The following CELF5 variants were observed in gnomAD, a reference collection of about 807,000 sequenced individuals.
The protein encoded by CELF5 is CUGBP Elav-like family member 5.
Under a neutral mutation model 54.9 loss-of-function variants are expected in CELF5, and 6 were observed. That is an observed-to-expected ratio of 0.11 (90% CI 0.06 to 0.22). CELF5 has a LOEUF of 0.22. CELF5 is among the 10% of genes least tolerant of loss of function. CELF5 has a pLI of 1.00. For synonymous variants in CELF5, 271 were observed against 290.9 expected (o/e 0.93, Z 0.70); for missense variants, 401 against 678.6 (o/e 0.59, Z 4.54).
chr19:3,226,182 G>A (rs1055560336), intron 1 of CELF5, among the ~76,000 whole-genome samples: 7 of 152,164 alleles, frequency 4.6e-5, no homozygotes, highest in Admixed American at 2.6e-4. Context: ...GGGAAGGACC[G>A]GGGCCCATGA....
At chr19:3,230,006 G>T (rs923522806) in intron 1 of CELF5, among the ~76,000 whole-genome samples, 1 of 152,176 alleles carries the variant, frequency 6.6e-6, no homozygotes, top group South Asian at 2.1e-4. Context: ...AAGTGGGCTT[G>T]TGTCTCTCTC....
intron 1 of CELF5, among the ~76,000 whole-genome samples, chr19:3,243,534 G>A (rs1374050927): frequency 2.0e-5 from 3 of 152,054 alleles, no homozygotes. Flanking sequence ...CTTCTGCCTC[G>A]GCCTCTGAAG....
Position 3,228,695 on chromosome 19 carries a change from G to A in CELF5, c.259+3697G>A, listed in dbSNP as rs557462219. ...CCAGCTGCCGGCTCGACTCGGGAGG[G>A]GGGGAGGAGGAGGCTGTAGCAGGCT... On this transcript the variant is annotated intron_variant, in intron 1 of 12. Coordinates refer to ENST00000292672, the MANE Select transcript of CELF5 (RefSeq NM_021938.4). This position sits in a 1 kb window ranked among gnomAD's most constrained non-coding sequence, Gnocchi z 6.0. Among the ~76,000 whole-genome samples, 6 of 151,974 alleles carry A rather than the reference G, an allele frequency of 3.9e-5. No individual in the cohort carries two copies. The highest frequency in any genetic ancestry group is 1.3e-4 in the Admixed American group (2 of 15,272).
chr19:3,243,329 G>A (rs1173011948), intron 1 of CELF5, among the ~76,000 whole-genome samples: 1 of 152,078 alleles, frequency 6.6e-6, no homozygotes, highest in African/African-American at 2.4e-5. Context: ...GAGCCAGGCT[G>A]GAACACAGTG....
chr19:3,257,293 A>G (rs1431579432), intron 2 of CELF5, among the ~76,000 whole-genome samples: 1 of 152,090 alleles, frequency 6.6e-6, no homozygotes, highest in African/African-American at 2.4e-5. Context: ...AGAGGAGTGA[A>G]GAAGAGTGAG....
rs2079640821 is a variant in CELF5, at chr19:3,251,087, T to G, written c.342+20T>G. The G allele has an allele frequency of 6.3e-7, 1 of 1,593,460 alleles. No individual in the cohort carries two copies. The highest frequency in any genetic ancestry group is 8.6e-7 in the Non-Finnish European group (1 of 1,162,330). On this transcript the variant is annotated intron_variant, in intron 2 of 12. Transcript: ENST00000292672. ...CCCGGAGTGAGTCCTGTGTGGTGTC[T>G]GGGGAGGAGGGGACAGGGGATGGCT...
intron 2 of CELF5, among the ~76,000 whole-genome samples, chr19:3,252,810 T>G (rs2145069428): frequency 6.6e-6 from 1 of 152,142 alleles, no homozygotes; most frequent in Non-Finnish European, 1.5e-5. Context: ...GCTCCATCCT[T>G]GCTGTGTGAC....
rs150150279 is a variant in CELF5, at chr19:3,267,355, C to T, written c.343-6517C>T. 3.4e-3 allele frequency among the ~76,000 whole-genome samples: 520 copies of T among 152,316 alleles called. 4 individuals carry two copies. The highest frequency in any genetic ancestry group is 0.012 in the African/African-American group (505 of 41,558). On this transcript the variant is annotated intron_variant, in intron 2 of 12. Coordinates refer to ENST00000292672, the MANE Select transcript of CELF5 (RefSeq NM_021938.4). ...TGGGGGACGTAGTTTAATCAACTCTCAGCATTCTGGAATAGGATCCGAAAT... is the reference window on the plus strand; with the variant it reads ...TGGGGGACGTAGTTTAATCAACTCTTAGCATTCTGGAATAGGATCCGAAAT...
In CELF5 at chr19:3,228,937, G is replaced by A. The variant is rs1209514011; in HGVS notation, c.259+3939G>A. ...GTGTACGCGGGCGCGCGCCTGGGAA[G>A]GACTCCTGCCGGGGTGCTGTGTGGC... is the stretch of plus-strand genomic sequence containing the variant. On this transcript the variant is annotated intron_variant, in intron 1 of 12. Transcript: ENST00000292672. The surrounding 1 kb of genome is among the most constrained non-coding windows in gnomAD (Gnocchi z 6.0). Among the ~76,000 whole-genome samples, 1 of 151,210 alleles carries A rather than the reference G, an allele frequency of 6.6e-6. No homozygotes were observed. Among genetic ancestry groups the A allele is most frequent in the Non-Finnish European group, 1.5e-5 (1 of 67,786 alleles).
chr19:3,275,993 C>A lies in CELF5; in HGVS notation c.523+9C>A. 8 of 991,594 alleles carry A rather than the reference C, an allele frequency of 8.1e-6. No homozygotes were observed. The highest frequency in any genetic ancestry group is 2.4e-5 in the South Asian group (1 of 41,438). The allele number at this position is 991,594 out of a possible 1,614,324, so 61.4% of individuals were successfully genotyped here. On this transcript the variant is annotated intron_variant, in intron 4 of 12. Coordinates refer to ENST00000292672, the MANE Select transcript of CELF5 (RefSeq NM_021938.4). This position sits in a 1 kb window ranked among gnomAD's most constrained non-coding sequence, Gnocchi z 6.7. ...TGACGGCAGCAGCAAAGGTGACTGG[C>A]GGGGGCCGGGGCGGGACTGCGAGAG...
intron 1 of CELF5, among the ~76,000 whole-genome samples, chr19:3,237,051 G>A (rs867090748): frequency 2.0e-5 from 3 of 148,798 alleles, no homozygotes; most frequent in South Asian, 2.1e-4. Context: ...GGTGGCTCAC[G>A]CCTGTAATCC....
Position 3,285,064 on chromosome 19 carries a change from A to T in CELF5, c.1102+100A>T. 3 of 903,252 alleles carry T rather than the reference A, an allele frequency of 3.3e-6. 1 individual carries two copies. Among genetic ancestry groups the T allele is most frequent in the Non-Finnish European group, 5.1e-6 (3 of 586,374 alleles). The allele number at this position is 903,252 out of a possible 1,614,324, so 56.0% of individuals were successfully genotyped here. On this transcript the variant is annotated intron_variant, in intron 9 of 12. Coordinates refer to ENST00000292672, the MANE Select transcript of CELF5 (RefSeq NM_021938.4). ...CCGGACGTGTCGTTCTTCTGTGCCT[A>T]GCCGCGCCTCCTACCTCTGGCCCCG...
chr19:3,257,571 G>A (rs1031024261), intron 2 of CELF5, among the ~76,000 whole-genome samples: 2 of 150,712 alleles, frequency 1.3e-5, no homozygotes, highest in Admixed American at 1.3e-4. Context: ...TGCCTCCCGG[G>A]TTCAAGCGAT....
rs776192269 is a variant in CELF5, at chr19:3,273,900, C to G, written c.371C>G (p.Ala124Gly). 6.2e-7 allele frequency: 1 copy of G among 1,613,640 alleles called. No individual in the cohort carries two copies. Among genetic ancestry groups the G allele is most frequent in the Non-Finnish European group, 8.5e-7 (1 of 1,179,596 alleles). The change falls in exon 3 of 13, where the codon GCG becomes GGG. Residue 124 changes from alanine (A) to glycine (G), a missense_variant. Transcript: ENST00000292672. Reference protein sequence around the residue: ...GMARPIQVKPADSESRGGRDR... With the variant: ...GMARPIQVKPGDSESRGGRDR... ...GCGCGGCCAATCCAGGTGAAGCCTG[C>G]GGACAGTGAAAGCCGCGGAGGTAGT...
chr19:3,286,360 G>T (rs918341775), intron 10 of CELF5: 3 of 312,960 alleles, frequency 9.6e-6, no homozygotes, highest in Non-Finnish European at 1.8e-5. Flanking sequence ...GAGGTATCAG[G>T]TAATGAGGCC....
chr19:3,234,606 A>G (rs1260344045), intron 1 of CELF5, among the ~76,000 whole-genome samples: 1 of 152,110 alleles, frequency 6.6e-6, no homozygotes, highest in Non-Finnish European at 1.5e-5. Flanking sequence ...ACCCTGGTCC[A>G]GGGTACACCA....
At chr19:3,233,066 C>G (rs1241048056) in intron 1 of CELF5, among the ~76,000 whole-genome samples, 2 of 151,454 alleles carry the variant, frequency 1.3e-5, no homozygotes, top group South Asian at 2.1e-4. Flanking sequence ...AAGAGTGAAA[C>G]TCCGTCTCAA....
At chr19:3,238,163 T>G (rs773654071) in intron 1 of CELF5, among the ~76,000 whole-genome samples, 3 of 152,092 alleles carry the variant, frequency 2.0e-5, no homozygotes, top group Admixed American at 6.6e-5. Flanking sequence ...AGACCCAGCC[T>G]GGCCAACATG....
chr19:3,224,784 G>A lies in CELF5; in HGVS notation c.45G>A (p.Gln15=), dbSNP rs777859308. ...GCGAGGCGCGCCGGCAGCAGCAGCA[G>A]CTCCTGCAGCCGCGGCCCTCGCCCG... ...TESEARRQQQ[Q]LLQPRPSPVG... is the part of the protein sequence containing the mutation. The change falls in exon 1 of 13, where the codon CAG becomes CAA. Residue 15 remains glutamine, a synonymous_variant. Transcript: ENST00000292672. The A allele has an allele frequency of 1.0e-5, 15 of 1,487,106 alleles. No individual in the cohort carries two copies. In the African/African-American group the frequency reaches 1.5e-4, roughly 15 times the overall value. 92.1% of individuals were successfully genotyped at this position (1,487,106 alleles called of 1,614,324 possible). A position where few individuals can be genotyped will look rare whatever the true frequency, so the allele number is the denominator to read the frequency against.
Sources: allele counts gnomAD v4.1 joint callset (sites outside exome capture counted in the v4.1 genomes callset), GRCh38; gene constraint gnomAD v4.1.1; non-coding constraint Gnocchi (gnomAD v3.1); transcripts MANE v1.5; gene names NCBI Gene and HGNC (gene_info 2026-07-23, HGNC 2026-07-21).